BTG4: variants seen among roughly 807,000 people sequenced by gnomAD.
BTG4 encodes the protein protein BTG4.
In BTG4, 10 loss-of-function variants were observed where a neutral mutation model predicts 19.3. The ratio of observed to expected loss-of-function variants is 0.52; its 90% confidence interval spans 0.32 to 0.88. BTG4 has a LOEUF of 0.88. Among genes scored for constraint, BTG4 ranks in the 40% least tolerant of loss-of-function variants. The pLI is 0.04. For missense variants in BTG4, 238 were observed against 281.9 expected (o/e 0.84, Z 1.11); for synonymous variants, 91 against 95.7 (o/e 0.95, Z 0.29).
the BTG4 span, among the ~76,000 whole-genome samples, chr11:111,406,000 T>C: frequency 6.6e-6 from 1 of 152,242 alleles, no homozygotes; most frequent in Non-Finnish European, 1.5e-5. Flanking sequence ...AGATATAACA[T>C]ATCTTTACTG....
Position 111,498,779 on chromosome 11 carries a change from T to C in BTG4, c.-3A>G, listed in dbSNP as rs1000210888. 1 of 1,603,312 alleles carries C rather than the reference T, an allele frequency of 6.2e-7. No homozygotes were observed. The highest frequency in any genetic ancestry group is 1.7e-5 in the Admixed American group (1 of 58,050). On this transcript the variant is annotated 5_prime_UTR_variant, in exon 2 of 5. Coordinates refer to ENST00000692032, the MANE Select transcript of BTG4 (RefSeq NM_001367975.1). ...GTTGTTGCAATTTCATCTCTCATGA[T>C]TCAAGAAAAATAGATAAGGAGGTCT...
At chr11:111,482,386 T>C (rs1466254766) in intron 5 of BTG4, among the ~76,000 whole-genome samples, 1 of 152,062 alleles carries the variant, frequency 6.6e-6, no homozygotes, top group African/African-American at 2.4e-5. Context: ...TCTCTCCAGA[T>C]TGATATATAG....
At chr11:111,498,576 C>T in intron 2 of BTG4, 28 bp downstream of exon 2, 2 of 1,585,316 alleles carry the variant, frequency 1.3e-6, no homozygotes, top group South Asian at 1.2e-5. Context: ...GATTGCTTCC[C>T]TTTGCCATCC....
chr11:111,442,592 C>T, the BTG4 span, among the ~76,000 whole-genome samples: 1 of 149,612 alleles, frequency 6.7e-6, no homozygotes, highest in African/African-American at 2.5e-5. Context: ...TAAGGAAGTA[C>T]TCGAAAAACA....
the BTG4 span, among the ~76,000 whole-genome samples, chr11:111,424,629 A>G: frequency 6.6e-6 from 1 of 152,338 alleles, no homozygotes; most frequent in South Asian, 2.1e-4. Flanking sequence ...CTGCAGATAA[A>G]AGATTTACGG....
At chr11:111,397,309 C>A in the BTG4 span, among the ~76,000 whole-genome samples, 1 of 152,176 alleles carries the variant, frequency 6.6e-6, no homozygotes, top group African/African-American at 2.4e-5. Flanking sequence ...CTAAATCCTT[C>A]ATCTAACTTC....
the BTG4 span, among the ~76,000 whole-genome samples, chr11:111,389,778 G>A: frequency 2.8e-4 from 43 of 152,070 alleles, no homozygotes; most frequent in African/African-American, 8.9e-4. Context: ...GCATGAGTAC[G>A]TTTTTCTTTT....
At chr11:111,408,585 C>G in the BTG4 span, among the ~76,000 whole-genome samples, 2,182 of 152,290 alleles carry the variant, frequency 0.014, 23 homozygotes, top group Middle Eastern at 0.034. Context: ...GCAAAGTAGT[C>G]AAAACAGAGC....
intron 5 of BTG4, among the ~76,000 whole-genome samples, chr11:111,483,201 C>T (rs1367525682): frequency 6.6e-6 from 1 of 152,162 alleles, no homozygotes; most frequent in African/African-American, 2.4e-5. Flanking sequence ...GCAGTGACCA[C>T]AAGCTTAGAT....
At chr11:111,407,683 A>G in the BTG4 span, among the ~76,000 whole-genome samples, 1 of 152,232 alleles carries the variant, frequency 6.6e-6, no homozygotes, top group Non-Finnish European at 1.5e-5. Flanking sequence ...AAATAAAAGC[A>G]TAATAGTCAC....
chr11:111,420,841 A>T, the BTG4 span, among the ~76,000 whole-genome samples: 1,739 of 152,362 alleles, frequency 0.011, 29 homozygotes, highest in African/African-American at 0.04. Context: ...ACATTCTAGC[A>T]GAGAAAAATG....
At chr11:111,402,681 T>C in the BTG4 span, among the ~76,000 whole-genome samples, 2 of 151,894 alleles carry the variant, frequency 1.3e-5, no homozygotes, top group Admixed American at 6.6e-5. Context: ...GTAGGAAGAG[T>C]GGGGGTGCTA....
the BTG4 span, among the ~76,000 whole-genome samples, chr11:111,409,456 G>A: frequency 2.6e-5 from 4 of 152,202 alleles, no homozygotes; most frequent in Admixed American, 2.0e-4. Flanking sequence ...CCATGAGAGT[G>A]GGTTCTTATA....
At chr11:111,392,333 A>T in the BTG4 span, among the ~76,000 whole-genome samples, 1 of 151,690 alleles carries the variant, frequency 6.6e-6, no homozygotes, top group African/African-American at 2.4e-5. Flanking sequence ...ACCCACCACC[A>T]TGCCCAGCTA....
chr11:111,426,871 C>T, the BTG4 span, among the ~76,000 whole-genome samples: 1 of 152,184 alleles, frequency 6.6e-6, no homozygotes, highest in South Asian at 2.1e-4. Flanking sequence ...AGTGTATGTG[C>T]CTTAGCAGAG....
At chr11:111,447,835 C>T in the BTG4 span, among the ~76,000 whole-genome samples, 1 of 152,162 alleles carries the variant, frequency 6.6e-6, no homozygotes, top group South Asian at 2.1e-4. Flanking sequence ...AGAGGCTGCC[C>T]TTCCTGGGCA....
chr11:111,402,770 C>G, the BTG4 span, among the ~76,000 whole-genome samples: 4 of 152,260 alleles, frequency 2.6e-5, no homozygotes, highest in East Asian at 7.7e-4. Context: ...CCTGAGATGT[C>G]TTAAAGATTC....
chr11:111,497,292 AGAGGAAACGTCT>A lies in BTG4; in HGVS notation c.417_428del (p.Asp140_Ser143del). 6.2e-7 allele frequency: 1 copy of A among 1,610,916 alleles called. No homozygotes were observed. On this transcript the variant is annotated inframe_deletion, in exon 4 of 5. Transcript: ENST00000692032. ...AACTTTCTTCATCGCAGGAAGTGCC[AGAGGAAACGTCT>A]GATGAGGCTCTACTAACGGCATAAC...
chr11:111,441,295 G>T, the BTG4 span, among the ~76,000 whole-genome samples: 13 of 152,092 alleles, frequency 8.5e-5, no homozygotes, highest in Admixed American at 4.6e-4. Context: ...GTAGGGGAGA[G>T]AACAGGGTCT....
Sources: gnomAD v4.1 joint callset for allele counts (sites outside exome capture counted in the v4.1 genomes callset) on GRCh38, gnomAD v4.1.1 for gene constraint, MANE v1.5 for transcripts, NCBI Gene and HGNC (gene_info 2026-07-23, HGNC 2026-07-21) for gene names.